Variants in BBOX1 observed in about 807,000 individuals in gnomAD.
BBOX1 encodes the protein gamma-butyrobetaine hydroxylase 1.
BBOX1 carries 35 observed loss-of-function variants against 41.6 expected under a neutral mutation model. The ratio of observed to expected loss-of-function variants is 0.84; its 90% confidence interval spans 0.64 to 1.11. The LOEUF (loss-of-function observed/expected upper bound fraction) is 1.11. Among genes scored for constraint, BBOX1 ranks in the 50% most tolerant of loss-of-function variants. The pLI is 0.00. For synonymous variants in BBOX1, 163 were observed against 154.7 expected (o/e 1.05, Z -0.40); for missense variants, 458 against 460.6 (o/e 0.99, Z 0.05).
intron 4 of BBOX1, among the ~76,000 whole-genome samples, chr11:27,057,761 C>T (rs975377806): frequency 1.3e-5 from 2 of 151,392 alleles, no homozygotes; most frequent in African/African-American, 4.9e-5. Context: ...TGAAACGGTA[C>T]GCATAGCACT....
chr11:27,118,383 T>A (rs1267967759), intron 6 of BBOX1, among the ~76,000 whole-genome samples: 2 of 152,054 alleles, frequency 1.3e-5, no homozygotes, highest in African/African-American at 4.8e-5. Context: ...AGGTTTGAGA[T>A]TTTCTATAAC....
intron 4 of BBOX1, among the ~76,000 whole-genome samples, chr11:27,077,878 T>C (rs1016370420): frequency 6.6e-6 from 1 of 152,062 alleles, no homozygotes; most frequent in Non-Finnish European, 1.5e-5. Flanking sequence ...ATTACTGACA[T>C]AACATGGCCT....
intron 5 of BBOX1, among the ~76,000 whole-genome samples, chr11:27,093,794 C>T (rs1448175671): frequency 2.0e-5 from 3 of 151,950 alleles, no homozygotes; most frequent in Admixed American, 6.6e-5. Flanking sequence ...CTCGCATAGC[C>T]TTTCTTCTGT....
intron 5 of BBOX1, among the ~76,000 whole-genome samples, chr11:27,112,305 G>A (rs938995341): frequency 6.6e-6 from 1 of 151,944 alleles, no homozygotes; most frequent in Non-Finnish European, 1.5e-5. Flanking sequence ...GAAAAGCAAG[G>A]AAATGATAGC....
intron 4 of BBOX1, among the ~76,000 whole-genome samples, chr11:27,089,038 G>T (rs1003079490): frequency 6.6e-6 from 1 of 151,868 alleles, no homozygotes; most frequent in Non-Finnish European, 1.5e-5. Context: ...TTTTATAAAA[G>T]AGTGAGACAC....
chr11:27,066,219 T>C (rs1278766058), intron 4 of BBOX1, among the ~76,000 whole-genome samples: 2 of 152,078 alleles, frequency 1.3e-5, no homozygotes. Context: ...TGTGGTTTTT[T>C]GGTTTTTGTT....
At chr11:27,117,512 A>G (rs549937301) in intron 6 of BBOX1, among the ~76,000 whole-genome samples, 1 of 152,104 alleles carries the variant, frequency 6.6e-6, no homozygotes, top group South Asian at 2.1e-4. Flanking sequence ...AGATTTTTCT[A>G]AAACCCTAGA....
At chr11:27,091,930 A>T (rs1590205005) in intron 4 of BBOX1, among the ~76,000 whole-genome samples, 1 of 152,122 alleles carries the variant, frequency 6.6e-6, no homozygotes, top group East Asian at 1.9e-4. Context: ...AGAAACTTTG[A>T]CAATATATGC....
chr11:27,055,499 T>G lies in BBOX1; in HGVS notation c.69T>G (p.Asp23Glu). 6.2e-7 allele frequency: 1 copy of G among 1,614,176 alleles called. No individual in the cohort carries two copies. Among genetic ancestry groups the G allele is most frequent in the Non-Finnish European group, 8.5e-7 (1 of 1,180,034 alleles). Reference sequence around the variant, plus strand: ...ATTTGATGCAGATCCTCTGGTATGATGAGGAAGAGTCTCTCTACCCAGCTG... The same window carrying G: ...ATTTGATGCAGATCCTCTGGTATGAGGAGGAAGAGTCTCTCTACCCAGCTG... The part of the protein sequence containing the change: ...GAHLMQILWY[D>E]EEESLYPAVW... The change falls in exon 3 of 9, where the codon GAT becomes GAG. Residue 23 changes from aspartate to glutamate, a missense_variant. Asp to Glu is a conservative substitution (Grantham distance 45). Coordinates refer to ENST00000263182, the MANE Select transcript of BBOX1 (RefSeq NM_003986.3).
chr11:27,092,449 G>C (rs1858280879), intron 4 of BBOX1, among the ~76,000 whole-genome samples: 1 of 151,918 alleles, frequency 6.6e-6, no homozygotes, highest in Non-Finnish European at 1.5e-5. Context: ...TCCTTTGGGA[G>C]AGCCCGGTTT....
At chr11:27,086,262 A>G (rs1287046420) in intron 4 of BBOX1, among the ~76,000 whole-genome samples, 1 of 152,086 alleles carries the variant, frequency 6.6e-6, no homozygotes, top group Non-Finnish European at 1.5e-5. Flanking sequence ...TCATAGCTAA[A>G]AAAGAGAGGT....
At chr11:27,091,461 C>T (rs963700773) in intron 4 of BBOX1, among the ~76,000 whole-genome samples, 1 of 151,844 alleles carries the variant, frequency 6.6e-6, no homozygotes, top group African/African-American at 2.4e-5. Flanking sequence ...TTCCTCCCTC[C>T]CCCAAAATGT....
intron 3 of BBOX1, among the ~76,000 whole-genome samples, 178 bp downstream of exon 3, chr11:27,055,827 A>G (rs1856963631): frequency 1.3e-5 from 2 of 152,124 alleles, no homozygotes; most frequent in African/African-American, 4.8e-5. Context: ...TTCAGCTATT[A>G]TTATTACTAT....
intron 6 of BBOX1, among the ~76,000 whole-genome samples, chr11:27,118,331 G>A (rs866761783): frequency 1.3e-5 from 2 of 152,088 alleles, no homozygotes; most frequent in Middle Eastern, 3.4e-3. Context: ...TTGTACTGTT[G>A]TTCAAACTTC....
intron 5 of BBOX1, among the ~76,000 whole-genome samples, chr11:27,102,118 GT>G (rs1363512879): frequency 2.0e-5 from 3 of 151,956 alleles, no homozygotes; most frequent in African/African-American, 7.3e-5. Flanking sequence ...TTATGTTTAT[GT>G]CAATTAAATT....
At chr11:27,057,976 G>T (rs766506225) in intron 4 of BBOX1, among the ~76,000 whole-genome samples, 2 of 152,084 alleles carry the variant, frequency 1.3e-5, no homozygotes, top group Non-Finnish European at 2.9e-5. Context: ...CTTAAAACAG[G>T]TGGAAATATT....
chr11:27,073,625 C>T (rs534644308), intron 4 of BBOX1, among the ~76,000 whole-genome samples: 12 of 151,908 alleles, frequency 7.9e-5, no homozygotes, highest in African/African-American at 1.9e-4. Flanking sequence ...ATGTTTATTG[C>T]GGCACTATTC....
At chr11:27,118,719 T>G (rs1859351993) in intron 6 of BBOX1, among the ~76,000 whole-genome samples, 1 of 152,018 alleles carries the variant, frequency 6.6e-6, no homozygotes, top group African/African-American at 2.4e-5. Flanking sequence ...ATTTGAAGAT[T>G]GTATTAAAAG....
At chr11:27,069,027 T>A (rs1857368856) in intron 4 of BBOX1, among the ~76,000 whole-genome samples, 1 of 152,166 alleles carries the variant, frequency 6.6e-6, no homozygotes, top group Non-Finnish European at 1.5e-5. Context: ...TTTGCTCTTT[T>A]TTTTTAGGAT....
Sources: gnomAD v4.1 joint callset for allele counts (sites outside exome capture counted in the v4.1 genomes callset) on GRCh38, gnomAD v4.1.1 for gene constraint, MANE v1.5 for transcripts, NCBI Gene and HGNC (gene_info 2026-07-23, HGNC 2026-07-21) for gene names.